Variants in HCN1 observed in about 807,000 individuals in gnomAD.
HCN1 encodes the protein potassium/sodium hyperpolarization-activated cyclic nucleotide-gated channel 1.
Under a neutral mutation model 78.9 loss-of-function variants are expected in HCN1, and 13 were observed. The ratio of observed to expected loss-of-function variants is 0.16; its 90% confidence interval spans 0.11 to 0.26. The LOEUF (loss-of-function observed/expected upper bound fraction) is 0.26. Ranked by LOEUF, HCN1 falls within the 10% of genes least tolerant of loss-of-function variation. The probability of loss-of-function intolerance (pLI) is 1.00; values close to 1 mark genes in which losing one functional copy is unlikely to be tolerated. For synonymous variants in HCN1, 552 were observed against 455.5 expected, an observed-to-expected ratio of 1.21 and a Z score of -2.70; for missense variants, 810 against 1,154.3, an observed-to-expected ratio of 0.70 and a Z score of 4.32.
At chr5:45,497,598 C>G (rs1057456344) in intron 2 of HCN1, among the ~76,000 whole-genome samples, 189 of 152,210 alleles carry the variant, frequency 1.2e-3, no homozygotes, top group African/African-American at 4.4e-3. Context: ...ATGTGTGTCT[C>G]TGCACGTGAG....
At chr5:45,513,196 G>T (rs1355628247) in intron 2 of HCN1, among the ~76,000 whole-genome samples, 1 of 151,968 alleles carries the variant, frequency 6.6e-6, no homozygotes, top group Non-Finnish European at 1.5e-5. Context: ...TTTAAATTTT[G>T]CAAAAGAATA....
At chr5:45,638,729 C>A (rs1745399981) in intron 2 of HCN1, among the ~76,000 whole-genome samples, 1 of 152,116 alleles carries the variant, frequency 6.6e-6, no homozygotes, top group South Asian at 2.1e-4. Flanking sequence ...ATGGTGAAAC[C>A]CTGTCTCTAC....
At chr5:45,419,147 GA>G (rs1477718344) in intron 3 of HCN1, among the ~76,000 whole-genome samples, 6 of 152,082 alleles carry the variant, frequency 3.9e-5, no homozygotes, top group African/African-American at 1.4e-4. Flanking sequence ...TTCCTATGTT[GA>G]AAAAACCTAA....
At chr5:45,292,929 T>A (rs1445560720) in intron 6 of HCN1, among the ~76,000 whole-genome samples, 2 of 151,996 alleles carry the variant, frequency 1.3e-5, no homozygotes, top group Non-Finnish European at 2.9e-5. Context: ...CTCAGACAAT[T>A]GATAAAGTAA....
At chr5:45,263,001 AACTCTT>A (rs1744780200) in intron 7 of HCN1, among the ~76,000 whole-genome samples, 191 bp from the exon 8 acceptor site, 1 of 152,142 alleles carries the variant, frequency 6.6e-6, no homozygotes, top group South Asian at 2.1e-4. Context: ...TTTCTCTGGG[AACTCTT>A]ACCTTCTACT....
At chr5:45,451,425 G>T (rs1740916449) in intron 3 of HCN1, among the ~76,000 whole-genome samples, 1 of 152,004 alleles carries the variant, frequency 6.6e-6, no homozygotes, top group Admixed American at 6.5e-5. Flanking sequence ...ATTTTGGTTT[G>T]ATTTGCCTAA....
At chr5:45,546,651 GTC>G (rs1743234764) in intron 2 of HCN1, among the ~76,000 whole-genome samples, 1 of 151,076 alleles carries the variant, frequency 6.6e-6, no homozygotes, top group Non-Finnish European at 1.5e-5. Flanking sequence ...TTACATCTCT[GTC>G]TCTCTCTCCT....
intron 2 of HCN1, among the ~76,000 whole-genome samples, chr5:45,505,367 C>G (rs939528289): frequency 4.6e-5 from 7 of 152,108 alleles, no homozygotes; most frequent in Non-Finnish European, 8.8e-5. Flanking sequence ...GAATCCTTTC[C>G]CCATTGCTTG....
chr5:45,306,319 T>G (rs1441535859), intron 5 of HCN1, among the ~76,000 whole-genome samples: 1 of 152,096 alleles, frequency 6.6e-6, no homozygotes, highest in Non-Finnish European at 1.5e-5. Context: ...ATAGTTGGAA[T>G]TATATTTGAT....
intron 3 of HCN1, among the ~76,000 whole-genome samples, chr5:45,402,749 C>T (rs1211116563): frequency 2.0e-5 from 3 of 151,570 alleles, no homozygotes; most frequent in African/African-American, 7.3e-5. Flanking sequence ...CTTTCTCTCT[C>T]TCTCTCCCCC....
At chr5:45,692,025 T>C (rs1170072066) in intron 1 of HCN1, among the ~76,000 whole-genome samples, 1 of 152,166 alleles carries the variant, frequency 6.6e-6, no homozygotes, top group Non-Finnish European at 1.5e-5. Flanking sequence ...AGGAGCAAGA[T>C]GTTGGCTGGC....
intron 3 of HCN1, among the ~76,000 whole-genome samples, chr5:45,459,335 CA>C (rs1741094609): frequency 1.3e-5 from 2 of 148,876 alleles, no homozygotes; most frequent in Non-Finnish European, 3.0e-5. Context: ...ATTCGAGTTA[CA>C]CATGGAAAAA....
At chr5:45,268,820 A>G (rs1744909591) in intron 6 of HCN1, among the ~76,000 whole-genome samples, 1 of 152,162 alleles carries the variant, frequency 6.6e-6, no homozygotes. Context: ...AAATAAATCT[A>G]TTTTGGTCAA....
chr5:45,353,062 G>C, intron 5 of HCN1, 38 bp downstream of exon 5: 3 of 1,524,332 alleles, frequency 2.0e-6, no homozygotes, highest in Non-Finnish European at 2.7e-6. Flanking sequence ...AATAAACAAT[G>C]ATTATGTATT....
At chr5:45,400,315 T>G (rs745953459) in intron 3 of HCN1, among the ~76,000 whole-genome samples, 2 of 152,130 alleles carry the variant, frequency 1.3e-5, no homozygotes, top group Non-Finnish European at 2.9e-5. Context: ...CTATTCTCAT[T>G]TATTTCACTA....
chr5:45,398,291 T>G (rs1739722699), intron 3 of HCN1, among the ~76,000 whole-genome samples: 2 of 152,110 alleles, frequency 1.3e-5, no homozygotes, highest in Admixed American at 6.5e-5. Context: ...TAAGAAATAA[T>G]AGAGAGAGAT....
At chr5:45,380,875 C>T (rs890960339) in intron 4 of HCN1, among the ~76,000 whole-genome samples, 1 of 152,174 alleles carries the variant, frequency 6.6e-6, no homozygotes, top group Non-Finnish European at 1.5e-5. Context: ...TAATTACCTT[C>T]CTTCATGTAA....
chr5:45,431,420 A>T (rs1740461003), intron 3 of HCN1, among the ~76,000 whole-genome samples: 1 of 152,122 alleles, frequency 6.6e-6, no homozygotes, highest in Admixed American at 6.6e-5. Context: ...TTTGCTGTGC[A>T]GAAACTCTTG....
rs191890406 is a variant in HCN1, at chr5:45,570,138, C to T, written c.849+75047G>A. Reference sequence around the variant, plus strand: ...TATATTTTCTTTTTAATTATGTCACCGTGAACATCTTTTATCGATATTTAA... The same window carrying T: ...TATATTTTCTTTTTAATTATGTCACTGTGAACATCTTTTATCGATATTTAA... On this transcript the variant is annotated intron_variant, in intron 2 of 7. Transcript: ENST00000303230. Among the ~76,000 whole-genome samples the T allele has an allele frequency of 2.9e-3, 438 of 151,992 alleles. 2 individuals carry two copies. Among genetic ancestry groups the T allele is most frequent in the Middle Eastern group, 0.014 (4 of 294 alleles).
Sources: gnomAD v4.1 joint callset for allele counts (sites outside exome capture counted in the v4.1 genomes callset) on GRCh38, gnomAD v4.1.1 for gene constraint, MANE v1.5 for transcripts, NCBI Gene and HGNC (gene_info 2026-07-23, HGNC 2026-07-21) for gene names.